Variants in SPSB4 observed in about 807,000 individuals in gnomAD.
The protein encoded by SPSB4 is splA/ryanodine receptor domain and SOCS box containing 4.
Under a neutral mutation model 20.9 loss-of-function variants are expected in SPSB4, and 21 were observed. The observed-to-expected ratio is 1.01, with a 90% CI of 0.71 to 1.45. SPSB4 has a LOEUF of 1.45. Among genes scored for constraint, SPSB4 ranks in the 40% most tolerant of loss-of-function variants. The pLI is 0.00. For missense variants in SPSB4, 399 were observed against 399.2 expected, an observed-to-expected ratio of 1.00 and a Z score of 0.00; for synonymous variants, 207 against 183.8, an observed-to-expected ratio of 1.13 and a Z score of -1.02.
At chr3:141,134,809 G>T (rs1939198016) in intron 2 of SPSB4, among the ~76,000 whole-genome samples, 1 of 150,438 alleles carries the variant, frequency 6.6e-6, no homozygotes, top group Non-Finnish European at 1.5e-5. Flanking sequence ...CCCGGTTTTG[G>T]TATTAGGGTG....
intron 2 of SPSB4, among the ~76,000 whole-genome samples, chr3:141,127,850 T>G (rs1939072793): frequency 6.6e-6 from 1 of 152,212 alleles, no homozygotes; most frequent in Non-Finnish European, 1.5e-5. Flanking sequence ...TCTTAGGCCC[T>G]GCAGTAGAAC....
chr3:141,077,982 T>A (rs533501858), intron 2 of SPSB4, among the ~76,000 whole-genome samples: 1 of 152,338 alleles, frequency 6.6e-6, no homozygotes, highest in South Asian at 2.1e-4. Context: ...TCTTTTCTGT[T>A]CCCTCATAAT....
chr3:141,087,070 G>A (rs142455274), intron 2 of SPSB4, among the ~76,000 whole-genome samples: 177 of 152,306 alleles, frequency 1.2e-3, no homozygotes, highest in Middle Eastern at 3.4e-3. Flanking sequence ...AAGATGACAC[G>A]CGCACAGCAC....
chr3:141,138,524 G>A (rs915389300), intron 2 of SPSB4, among the ~76,000 whole-genome samples: 3 of 152,130 alleles, frequency 2.0e-5, no homozygotes, highest in African/African-American at 7.2e-5. Context: ...CAGAGATTCT[G>A]ATATGTTGTG....
intron 2 of SPSB4, among the ~76,000 whole-genome samples, chr3:141,131,157 T>G (rs1242918535): frequency 6.6e-6 from 1 of 151,600 alleles, no homozygotes; most frequent in African/African-American, 2.4e-5. Flanking sequence ...TAGATGGAGG[T>G]GTTGCTATCC....
intron 2 of SPSB4, among the ~76,000 whole-genome samples, chr3:141,094,099 A>G (rs994754220): frequency 1.3e-5 from 2 of 152,184 alleles, no homozygotes; most frequent in African/African-American, 4.8e-5. Context: ...CTCTACAGCA[A>G]GCGGTTTGCA....
chr3:141,090,179 T>C (rs1162169643), intron 2 of SPSB4, among the ~76,000 whole-genome samples: 2 of 152,234 alleles, frequency 1.3e-5, no homozygotes, highest in Admixed American at 6.5e-5. Flanking sequence ...TACCACCATG[T>C]GTCCATGAGA....
At chr3:141,143,243 A>T (rs1038705729) in intron 2 of SPSB4, among the ~76,000 whole-genome samples, 13 of 152,178 alleles carry the variant, frequency 8.5e-5, no homozygotes, top group Non-Finnish European at 5.9e-5. Flanking sequence ...CCTTAAGTTT[A>T]TGTGAGTTCT....
intron 2 of SPSB4, among the ~76,000 whole-genome samples, chr3:141,136,253 G>A (rs1203606134): frequency 6.6e-6 from 1 of 152,150 alleles, no homozygotes; most frequent in Non-Finnish European, 1.5e-5. Context: ...TATGTCAGAT[G>A]AGTAGGTTCC....
chr3:141,082,943 C>A (rs181963475), intron 2 of SPSB4, among the ~76,000 whole-genome samples: 1 of 152,124 alleles, frequency 6.6e-6, no homozygotes, highest in South Asian at 2.1e-4. Flanking sequence ...TTGGCCTCAG[C>A]GTGGTGATCT....
At chr3:141,094,750 C>A (rs1032786265) in intron 2 of SPSB4, among the ~76,000 whole-genome samples, 3 of 151,802 alleles carry the variant, frequency 2.0e-5, no homozygotes, top group African/African-American at 7.3e-5. Context: ...TGAAGGTTCT[C>A]CCTTGTGCCC....
At chr3:141,086,083 G>A (rs76306751) in intron 2 of SPSB4, among the ~76,000 whole-genome samples, 1 of 152,210 alleles carries the variant, frequency 6.6e-6, no homozygotes, top group African/African-American at 2.4e-5. Flanking sequence ...TCATCCCCTG[G>A]TGAGAGGTTT....
chr3:141,073,501 T>TA (rs1938046503), intron 2 of SPSB4, among the ~76,000 whole-genome samples: 1 of 152,246 alleles, frequency 6.6e-6, no homozygotes, highest in African/African-American at 2.4e-5. Context: ...ATAAGACACC[T>TA]AGCCCTTTAC....
intron 2 of SPSB4, among the ~76,000 whole-genome samples, chr3:141,127,268 G>A (rs1939064099): frequency 6.6e-6 from 1 of 152,250 alleles, no homozygotes; most frequent in African/African-American, 2.4e-5. Flanking sequence ...GTGGAAGGAA[G>A]GCCACCAGAG....
At chr3:141,135,952 C>A (rs1939220731) in intron 2 of SPSB4, among the ~76,000 whole-genome samples, 1 of 152,144 alleles carries the variant, frequency 6.6e-6, no homozygotes, top group Non-Finnish European at 1.5e-5. Flanking sequence ...AGTTTACAGT[C>A]CCACCAACAG....
intron 2 of SPSB4, among the ~76,000 whole-genome samples, chr3:141,126,555 G>C (rs1338057823): frequency 1.3e-5 from 2 of 152,132 alleles, no homozygotes; most frequent in Non-Finnish European, 2.9e-5. Context: ...TTTTTCGAAG[G>C]ACACCATCTG....
In SPSB4 at chr3:141,093,326, T is replaced by A. The variant is rs183005956; in HGVS notation, c.694+26528T>A. ...TGCCATACATTGCAGTAAGCACTTTTCATATTGTCAATCTTCCCAGGAAAT... is the reference window on the plus strand; with the variant it reads ...TGCCATACATTGCAGTAAGCACTTTACATATTGTCAATCTTCCCAGGAAAT... On this transcript the variant is annotated intron_variant, in intron 2 of 2. Transcript: ENST00000310546. Among the ~76,000 whole-genome samples, 299 of 151,964 alleles carry A rather than the reference T, an allele frequency of 2.0e-3. 1 individual carries two copies. The highest frequency in any genetic ancestry group is 3.5e-3 in the Non-Finnish European group (238 of 67,976).
chr3:141,132,761 G>T (rs1027408393), intron 2 of SPSB4, among the ~76,000 whole-genome samples: 4 of 152,034 alleles, frequency 2.6e-5, no homozygotes, highest in Admixed American at 6.5e-5. Context: ...CTATAAACAT[G>T]CATGTGCAAC....
At position 141,147,230 on chromosome 3, in the gene SPSB4, C is replaced by A. The variant is rs759347458; in HGVS notation, c.783C>A (p.Pro261=). The A allele has an allele frequency of 1.9e-6, 3 of 1,614,114 alleles. No homozygotes were observed. Among genetic ancestry groups the A allele is most frequent in the Non-Finnish European group, 2.5e-6 (3 of 1,180,042 alleles). ...RQRLQDISSL[P]LPQSLKNYLQ... is the part of the protein sequence containing the mutation. ...GCCTGCAGGACATCAGCTCCCTGCC[C>A]CTGCCTCAGTCTCTCAAAAACTATC... Residue 261 remains proline (P), a synonymous_variant, in exon 3 of 3, where the codon CCC becomes CCA. Coordinates refer to ENST00000310546, the MANE Select transcript of SPSB4 (RefSeq NM_080862.3).
Sources: allele counts gnomAD v4.1 joint callset (sites outside exome capture counted in the v4.1 genomes callset), GRCh38; gene constraint gnomAD v4.1.1; transcripts MANE v1.5; gene names NCBI Gene and HGNC (gene_info 2026-07-23, HGNC 2026-07-21).